Variants in IL1RAPL2 observed in about 807,000 individuals in gnomAD.
IL1RAPL2 encodes the protein X-linked interleukin-1 receptor accessory protein-like 2.
IL1RAPL2 carries 3 observed loss-of-function variants against 44.1 expected under a neutral mutation model. The observed-to-expected ratio is 0.07, with a 90% CI of 0.03 to 0.18. The LOEUF is 0.18. Ranked by LOEUF, IL1RAPL2 falls within the 10% of genes least tolerant of loss-of-function variation. IL1RAPL2 has a pLI of 1.00. For missense variants in IL1RAPL2, 391 were observed against 496.4 expected, an observed-to-expected ratio of 0.79 and a Z score of 2.02; for synonymous variants, 181 against 178.8, an observed-to-expected ratio of 1.01 and a Z score of -0.10.
At chrX:105,721,972 C>T (rs2038308802) in intron 7 of IL1RAPL2, among the ~76,000 whole-genome samples, 1 of 112,032 alleles carries the variant, frequency 8.9e-6, no homozygotes, top group South Asian at 3.7e-4. Context: ...TACAGTCACT[C>T]ATTTTGTAAT....
rs1432134680 is a variant in IL1RAPL2 at position 105,521,320 on chromosome X, T to A, written c.772+36933T>A. 2.7e-5 allele frequency among the ~76,000 whole-genome samples: 3 copies of A among 110,039 alleles called. No individual in the cohort carries two copies. In the Admixed American group the frequency reaches 2.9e-4, roughly 11 times the overall value. On this transcript the variant is annotated intron_variant, in intron 6 of 10. Transcript: ENST00000372582. ...TTTGCAAGCTGCATTAAATGGGTCATGTACTCACATGGGGATCTGGAGAGA... is the reference window on the plus strand; with the variant it reads ...TTTGCAAGCTGCATTAAATGGGTCAAGTACTCACATGGGGATCTGGAGAGA...
chrX:105,165,040 A>T (rs762603277), intron 2 of IL1RAPL2, among the ~76,000 whole-genome samples: 1 of 111,397 alleles, frequency 9.0e-6, no homozygotes, highest in African/African-American at 3.3e-5. Flanking sequence ...CTTGTCCCCA[A>T]ACTGCTCCTT....
chrX:105,551,350 C>T (rs2036853921), intron 6 of IL1RAPL2, among the ~76,000 whole-genome samples: 1 of 109,593 alleles, frequency 9.1e-6, no homozygotes, highest in African/African-American at 3.3e-5. Flanking sequence ...ACATACGCCT[C>T]ATTCCTTTAT....
intron 1 of IL1RAPL2, among the ~76,000 whole-genome samples, chrX:104,582,660 T>C (rs866907796): frequency 2.4e-4 from 20 of 82,899 alleles, no homozygotes; most frequent in African/African-American, 7.9e-4. Context: ...TTCTTTCTTT[T>C]TTTTCTTTTT....
At chrX:105,548,211 G>C (rs1262077498) in intron 6 of IL1RAPL2, among the ~76,000 whole-genome samples, 1 of 111,227 alleles carries the variant, frequency 9.0e-6, no homozygotes, top group Admixed American at 9.6e-5. Flanking sequence ...TTACTGTAGG[G>C]AGACAGACAA....
intron 5 of IL1RAPL2, among the ~76,000 whole-genome samples, chrX:105,434,139 A>G (rs769668374): frequency 2.7e-4 from 30 of 112,102 alleles, no homozygotes; most frequent in Non-Finnish European, 5.1e-4. Context: ...AAATATTTCT[A>G]GTCATTAGAG....
At chrX:104,681,878 A>C (rs1483661386) in intron 2 of IL1RAPL2, among the ~76,000 whole-genome samples, 6 of 112,804 alleles carry the variant, frequency 5.3e-5, no homozygotes, top group African/African-American at 1.6e-4. Context: ...CTGGGGAAGA[A>C]TGAGTTTGGA....
intron 4 of IL1RAPL2, among the ~76,000 whole-genome samples, chrX:105,241,684 A>T (rs1464116271): frequency 1.8e-5 from 2 of 112,013 alleles, no homozygotes; most frequent in Non-Finnish European, 3.8e-5. Flanking sequence ...CTTTTATTTC[A>T]ATGTTCAATT....
intron 6 of IL1RAPL2, among the ~76,000 whole-genome samples, chrX:105,524,152 T>A (rs780971868): frequency 1.8e-5 from 2 of 111,461 alleles, no homozygotes; most frequent in East Asian, 5.6e-4. Context: ...AAAGGAGATA[T>A]AGGTAGGCAG....
At chrX:105,638,566 G>A (rs768080791) in intron 6 of IL1RAPL2, among the ~76,000 whole-genome samples, 2 of 111,794 alleles carry the variant, frequency 1.8e-5, no homozygotes, top group Admixed American at 9.5e-5. Flanking sequence ...TGGTGTGGAA[G>A]AATCATAATT....
intron 2 of IL1RAPL2, among the ~76,000 whole-genome samples, chrX:105,128,536 G>A (rs984803266): frequency 1.8e-5 from 2 of 111,195 alleles, no homozygotes; most frequent in Admixed American, 1.9e-4. Flanking sequence ...CATTTGGTAT[G>A]ATACATATAA....
At chrX:104,895,489 C>T (rs749985601) in intron 2 of IL1RAPL2, among the ~76,000 whole-genome samples, 5 of 112,585 alleles carry the variant, frequency 4.4e-5, no homozygotes, top group East Asian at 2.8e-4. Flanking sequence ...CAATGGCGGG[C>T]GCCACTCTCC....
At chrX:104,924,096 C>T (rs1211499153) in intron 2 of IL1RAPL2, among the ~76,000 whole-genome samples, 1 of 107,783 alleles carries the variant, frequency 9.3e-6, no homozygotes, top group Non-Finnish European at 1.9e-5. Context: ...GGGTTCAATA[C>T]AGCAAGAAGA....
intron 6 of IL1RAPL2, among the ~76,000 whole-genome samples, chrX:105,651,404 T>A (rs902326214): frequency 1.7e-4 from 19 of 111,814 alleles, no homozygotes; most frequent in African/African-American, 6.2e-4. Context: ...GATTATACAA[T>A]TACCTCTGGG....
intron 6 of IL1RAPL2, among the ~76,000 whole-genome samples, chrX:105,640,771 GATATAGATATAGATATAGATAT>G (rs1569460987): frequency 1.1e-5 from 1 of 92,791 alleles, no homozygotes; most frequent in African/African-American, 3.9e-5. Flanking sequence ...TATAGATATA[GATATAGATATAGATATAGATAT>G]AGATAGAGAG....
chrX:105,660,427 C>T (rs941659095), intron 6 of IL1RAPL2, among the ~76,000 whole-genome samples: 1 of 111,096 alleles, frequency 9.0e-6, no homozygotes, highest in Non-Finnish European at 1.9e-5. Flanking sequence ...AAAAAATCAT[C>T]TGAGGGTACA....
rs1427995690 is a variant in IL1RAPL2, at chrX:104,797,100, A to T, written c.82+138105A>T. Among the ~76,000 whole-genome samples the T allele has an allele frequency of 2.9e-5, 3 of 104,746 alleles. No individual in the cohort carries two copies. In the Admixed American group the frequency reaches 3.2e-4, roughly 11 times the overall value. The allele number at this position is 104,746 out of a possible 115,157, so 91.0% of individuals were successfully genotyped here. A position where few individuals can be genotyped will look rare whatever the true frequency, so the allele number is the denominator to read the frequency against. ...GTTCTTCCCATTTCTTCTCTCCCCT[A>T]CAGATAACTTAAAATCCTTTATCTC... is the stretch of plus-strand genomic sequence containing the variant. On this transcript the variant is annotated intron_variant, in intron 2 of 10. Transcript: ENST00000372582.
chrX:105,034,500 G>T (rs975395413), intron 2 of IL1RAPL2, among the ~76,000 whole-genome samples: 2 of 112,498 alleles, frequency 1.8e-5, no homozygotes, highest in East Asian at 5.6e-4. Context: ...TCCAGACCCT[G>T]TTTGCCTGGG....
intron 5 of IL1RAPL2, among the ~76,000 whole-genome samples, chrX:105,299,668 A>T (rs1217938850): frequency 8.9e-6 from 1 of 111,903 alleles, no homozygotes; most frequent in African/African-American, 3.2e-5. Context: ...ATCAATTTTT[A>T]ATTTCCTATG....
Sources: gnomAD v4.1 joint callset for allele counts (sites outside exome capture counted in the v4.1 genomes callset) on GRCh38, gnomAD v4.1.1 for gene constraint, MANE v1.5 for transcripts, NCBI Gene and HGNC (gene_info 2026-07-23, HGNC 2026-07-21) for gene names.